Variants in CELF4 observed in about 807,000 individuals in gnomAD.
The protein encoded by CELF4 is CUG-BP- and ETR-3-like factor 4.
In CELF4, 18 loss-of-function variants were observed where a neutral mutation model predicts 59.9. That is an observed-to-expected ratio of 0.30 (90% confidence interval 0.21 to 0.45). CELF4 has a LOEUF of 0.45. CELF4 is among the 20% of genes least tolerant of loss of function. The pLI is 1.00. For missense variants in CELF4, 456 were observed against 689.0 expected (o/e 0.66, Z 3.79); for synonymous variants, 261 against 267.1 (o/e 0.98, Z 0.22).
intron 2 of CELF4, among the ~76,000 whole-genome samples, chr18:37,417,601 A>ACTGGCCAGTAG (rs1459035161): frequency 1.3e-5 from 2 of 152,212 alleles, no homozygotes; most frequent in African/African-American, 2.4e-5. Flanking sequence ...TTCTTGCAGC[A>ACTGGCCAGTAG]CTGGCCAGTA....
intron 2 of CELF4, among the ~76,000 whole-genome samples, chr18:37,416,772 C>G (rs2099532193): frequency 6.6e-6 from 1 of 152,210 alleles, no homozygotes; most frequent in African/African-American, 2.4e-5. Context: ...TCCTCTCCCT[C>G]TTTGGGCTGC....
chr18:37,511,612 G>A (rs538318207), intron 1 of CELF4, among the ~76,000 whole-genome samples: 4 of 151,640 alleles, frequency 2.6e-5, no homozygotes, highest in South Asian at 2.1e-4. Context: ...TGCTGTGAGC[G>A]CCAAACAGTG....
chr18:37,450,734 C>A (rs941325491), intron 2 of CELF4, among the ~76,000 whole-genome samples: 10 of 152,152 alleles, frequency 6.6e-5, no homozygotes, highest in African/African-American at 2.4e-4. Context: ...GCCTTCCCCT[C>A]CCCCATGGTG....
intron 3 of CELF4, among the ~76,000 whole-genome samples, chr18:37,303,066 T>C (rs1453818344): frequency 1.3e-5 from 2 of 152,086 alleles, no homozygotes; most frequent in Admixed American, 1.3e-4. Flanking sequence ...GAAGCAAAGA[T>C]GGTGGAAGAG....
At chr18:37,434,537 C>T (rs1298756074) in intron 2 of CELF4, among the ~76,000 whole-genome samples, 2 of 152,176 alleles carry the variant, frequency 1.3e-5, no homozygotes, top group Non-Finnish European at 2.9e-5. Flanking sequence ...GAGTGAGGTG[C>T]AGCCACCTTA....
chr18:37,459,611 G>A (rs1228892316), intron 2 of CELF4, among the ~76,000 whole-genome samples: 1 of 152,080 alleles, frequency 6.6e-6, no homozygotes, highest in Admixed American at 6.5e-5. Flanking sequence ...AAGCTCACGT[G>A]TGACCCAAAC....
chr18:37,349,244 C>G (rs972326019), intron 2 of CELF4, among the ~76,000 whole-genome samples: 1 of 152,202 alleles, frequency 6.6e-6, no homozygotes, highest in Non-Finnish European at 1.5e-5. Context: ...AACCTGAACT[C>G]GCATCAAGGA....
chr18:37,244,016 C>A lies in CELF4; in HGVS notation c.*1226G>T. The A allele has an allele frequency of 6.1e-6, 1 of 162,950 alleles. No individual in the cohort carries two copies. The highest frequency in any genetic ancestry group is 1.3e-5 in the Non-Finnish European group (1 of 74,218). 10.1% of individuals were successfully genotyped at this position (162,950 alleles called of 1,614,324 possible). A position where few individuals can be genotyped will look rare whatever the true frequency, so the allele number is the denominator to read the frequency against. The stretch of plus-strand genomic sequence containing the variant: ...GCCCGCAGGTGTGGGGCGAGTTCGG[C>A]CTGGCCCTTGGGGACAACGGCATCC... On this transcript the variant is annotated 3_prime_UTR_variant, in exon 13 of 13. Coordinates refer to ENST00000420428, the MANE Select transcript of CELF4 (RefSeq NM_020180.4).
chr18:37,424,631 G>A (rs932845727), intron 2 of CELF4, among the ~76,000 whole-genome samples: 12 of 152,174 alleles, frequency 7.9e-5, no homozygotes, highest in South Asian at 2.1e-4. Flanking sequence ...AGACTTCCCA[G>A]TTGCTAGCAG....
At chr18:37,291,339 A>C (rs555633485) in intron 3 of CELF4, among the ~76,000 whole-genome samples, 1 of 152,344 alleles carries the variant, frequency 6.6e-6, no homozygotes, top group African/African-American at 2.4e-5. Context: ...TGTGAGAATG[A>C]ATAGTGACTG....
chr18:37,365,755 G>T (rs1486642562), intron 2 of CELF4, among the ~76,000 whole-genome samples: 1 of 152,014 alleles, frequency 6.6e-6, no homozygotes, highest in Non-Finnish European at 1.5e-5. Flanking sequence ...CAAAGTGCTG[G>T]GATTACAGGT....
chr18:37,357,987 G>C (rs752926255), intron 2 of CELF4, among the ~76,000 whole-genome samples: 3 of 152,216 alleles, frequency 2.0e-5, no homozygotes, highest in African/African-American at 4.8e-5. Context: ...CAGGCTCACA[G>C]GCGAAAGGGA....
At chr18:37,466,438 C>T (rs1229902260) in intron 2 of CELF4, among the ~76,000 whole-genome samples, 1 of 151,944 alleles carries the variant, frequency 6.6e-6, no homozygotes, top group Non-Finnish European at 1.5e-5. Flanking sequence ...GGGATGTGGG[C>T]GCATGAAACC....
intron 1 of CELF4, among the ~76,000 whole-genome samples, chr18:37,501,221 G>C (rs1351362992): frequency 6.6e-6 from 1 of 152,226 alleles, no homozygotes; most frequent in African/African-American, 2.4e-5. Context: ...GCCAGGATAG[G>C]GTCCTTCTGT....
intron 1 of CELF4, among the ~76,000 whole-genome samples, chr18:37,532,451 G>T (rs968979652): frequency 6.6e-6 from 1 of 152,182 alleles, no homozygotes; most frequent in African/African-American, 2.4e-5. Flanking sequence ...ATCTTTTGGG[G>T]AGGCTGTACC....
chr18:37,529,073 G>A (rs2099966841), intron 1 of CELF4: 1 of 152,118 alleles, frequency 6.6e-6, no homozygotes, highest in South Asian at 2.1e-4. Context: ...GGGTACTAAA[G>A]GATTAAGAAC....
At chr18:37,513,346 G>A (rs1881536397) in intron 1 of CELF4, among the ~76,000 whole-genome samples, 1 of 152,212 alleles carries the variant, frequency 6.6e-6, no homozygotes, top group South Asian at 2.1e-4. Flanking sequence ...TCTGGGAGGT[G>A]GGATGGACTC....
At chr18:37,307,855 G>GC (rs2096493026) in intron 3 of CELF4, among the ~76,000 whole-genome samples, 2 of 152,188 alleles carry the variant, frequency 1.3e-5, no homozygotes, top group African/African-American at 4.8e-5. Context: ...GGGAAGGCCA[G>GC]TAGGGACCCG....
chr18:37,298,134 C>A (rs1157164710), intron 3 of CELF4, among the ~76,000 whole-genome samples: 1 of 152,184 alleles, frequency 6.6e-6, no homozygotes, highest in African/African-American at 2.4e-5. Context: ...AGGCTGGGGT[C>A]TCAACCCAGG....
Sources: allele counts gnomAD v4.1 joint callset (sites outside exome capture counted in the v4.1 genomes callset), GRCh38; gene constraint gnomAD v4.1.1; transcripts MANE v1.5; gene names NCBI Gene and HGNC (gene_info 2026-07-23, HGNC 2026-07-21).